KIAA1328: variants seen among roughly 807,000 people sequenced by gnomAD.
The protein encoded by KIAA1328 is KIAA1328.
In KIAA1328, 52 loss-of-function variants were observed where a neutral mutation model predicts 68.1. The ratio of observed to expected loss-of-function variants is 0.76; its 90% confidence interval spans 0.61 to 0.96. The LOEUF (loss-of-function observed/expected upper bound fraction) is 0.96. KIAA1328 is among the 40% of genes least tolerant of loss of function. The probability of loss-of-function intolerance (pLI) is 0.00; values close to 1 mark genes in which losing one functional copy is unlikely to be tolerated. For missense variants in KIAA1328, 641 were observed against 677.6 expected (o/e 0.95, Z 0.60); for synonymous variants, 232 against 239.4 (o/e 0.97, Z 0.28).
In KIAA1328 at chr18:36,878,689, T is replaced by C. The variant is rs138047222; in HGVS notation, c.333-6868T>C. ...TTTGGTTTTTTCACATAGTCCCATA[T>C]TTCTTGGAGGCTTTGTTCGTTTCTT... On this transcript the variant is annotated intron_variant, in intron 4 of 9. Coordinates refer to ENST00000280020, the MANE Select transcript of KIAA1328 (RefSeq NM_020776.3). 6.5e-3 allele frequency among the ~76,000 whole-genome samples: 996 copies of C among 152,298 alleles called. 15 individuals are homozygous for C. Among genetic ancestry groups the C allele is most frequent in the African/African-American group, 0.022 (922 of 41,562 alleles).
Position 37,097,383 on chromosome 18 carries a change from C to T in KIAA1328, c.1232+29838C>T, listed in dbSNP as rs139685515. On this transcript the variant is annotated intron_variant, in intron 7 of 9. Transcript: ENST00000280020. ...AGGTTTGTCAAAGATCAGATAGTTGCAGATATGTGGCATTATTTCTGAGGG... is the reference window on the plus strand; with the variant it reads ...AGGTTTGTCAAAGATCAGATAGTTGTAGATATGTGGCATTATTTCTGAGGG... Among the ~76,000 whole-genome samples the T allele has an allele frequency of 6.7e-3, 1,020 of 152,138 alleles. 5 individuals are homozygous for T. Among genetic ancestry groups the T allele is most frequent in the Non-Finnish European group, 0.011 (764 of 67,988 alleles).
At chr18:36,915,967 G>A (rs773437701) in intron 5 of KIAA1328, among the ~76,000 whole-genome samples, 4 of 152,112 alleles carry the variant, frequency 2.6e-5, no homozygotes, top group Non-Finnish European at 5.9e-5. Flanking sequence ...AACAGGTAGA[G>A]CCACTGTTTC....
At chr18:36,899,119 T>C (rs1025681348) in intron 5 of KIAA1328, among the ~76,000 whole-genome samples, 3 of 151,978 alleles carry the variant, frequency 2.0e-5, no homozygotes, top group Admixed American at 6.6e-5. Context: ...CTGTGGGTTT[T>C]TGGGTTTTGG....
chr18:36,867,729 GAATAAAAGTGAA>G (rs1330256718), intron 4 of KIAA1328, among the ~76,000 whole-genome samples: 1 of 152,026 alleles, frequency 6.6e-6, no homozygotes, highest in East Asian at 1.9e-4. Context: ...ATATAAATGT[GAATAAAAGTGAA>G]AATAAAAGTG....
intron 5 of KIAA1328, among the ~76,000 whole-genome samples, chr18:36,942,379 T>TATA (rs551900181): frequency 3.0e-4 from 45 of 152,342 alleles, no homozygotes; most frequent in African/African-American, 9.9e-4. Context: ...CAGAACTGAC[T>TATA]GTATATGAAA....
At chr18:36,962,741 G>C (rs917409416) in intron 6 of KIAA1328, among the ~76,000 whole-genome samples, 1 of 152,156 alleles carries the variant, frequency 6.6e-6, no homozygotes, top group Admixed American at 6.6e-5. Context: ...CGAAATGAAG[G>C]CAGAAATAAA....
At chr18:36,949,179 C>A (rs1316925758) in intron 5 of KIAA1328, among the ~76,000 whole-genome samples, 1 of 152,128 alleles carries the variant, frequency 6.6e-6, no homozygotes, top group Admixed American at 6.5e-5. Context: ...TGCTTTAAAG[C>A]AGCCTTTCCA....
chr18:37,001,516 A>G (rs1243149106), intron 6 of KIAA1328, among the ~76,000 whole-genome samples: 1 of 152,170 alleles, frequency 6.6e-6, no homozygotes, highest in Non-Finnish European at 1.5e-5. Flanking sequence ...TCCCTAACTC[A>G]TTCTACAAGG....
chr18:37,049,314 A>G (rs1016246290), intron 6 of KIAA1328, among the ~76,000 whole-genome samples: 6 of 152,184 alleles, frequency 3.9e-5, no homozygotes, highest in African/African-American at 7.2e-5. Flanking sequence ...GAAAACCACA[A>G]TGGAGGAAAA....
chr18:37,110,051 TA>T (rs562438432), intron 7 of KIAA1328, among the ~76,000 whole-genome samples: 602 of 141,982 alleles, frequency 4.2e-3, no homozygotes, highest in Middle Eastern at 7.2e-3. Flanking sequence ...GTCAGCTGGT[TA>T]AAAAAAAAAA....
intron 7 of KIAA1328, among the ~76,000 whole-genome samples, chr18:37,073,129 GA>G (rs1214127641): frequency 1.3e-5 from 2 of 152,156 alleles, no homozygotes; most frequent in Admixed American, 6.5e-5. Context: ...TGAAAATGCT[GA>G]AAGCAATTGC....
intron 4 of KIAA1328, among the ~76,000 whole-genome samples, chr18:36,862,993 A>C (rs1238977708): frequency 3.3e-5 from 5 of 151,898 alleles, no homozygotes; most frequent in African/African-American, 1.2e-4. Context: ...CTTTAGCCCC[A>C]TTTCTTATTG....
intron 6 of KIAA1328, among the ~76,000 whole-genome samples, chr18:37,041,191 A>G (rs779298602): frequency 1.2e-4 from 18 of 151,872 alleles, no homozygotes; most frequent in East Asian, 9.7e-4. Flanking sequence ...TTCTTTTTCA[A>G]TTTTGTCAAT....
At chr18:37,042,527 T>C (rs1331841533) in intron 6 of KIAA1328, among the ~76,000 whole-genome samples, 1 of 152,252 alleles carries the variant, frequency 6.6e-6, no homozygotes, top group Non-Finnish European at 1.5e-5. Flanking sequence ...AAATTCTTAG[T>C]TGACAGTTTA....
At chr18:36,982,102 A>AT (rs1568249398) in intron 6 of KIAA1328, among the ~76,000 whole-genome samples, 9 of 143,978 alleles carry the variant, frequency 6.3e-5, no homozygotes, top group South Asian at 4.2e-4. Flanking sequence ...TATTATATAT[A>AT]ATATAATTAT....
At chr18:37,065,871 A>G (rs975126792) in intron 6 of KIAA1328, among the ~76,000 whole-genome samples, 1 of 152,222 alleles carries the variant, frequency 6.6e-6, no homozygotes, top group Non-Finnish European at 1.5e-5. Context: ...CTGCTTAGTT[A>G]TACTAAGTCA....
intron 7 of KIAA1328, among the ~76,000 whole-genome samples, chr18:37,085,528 A>G (rs1348628256): frequency 6.6e-6 from 1 of 152,046 alleles, no homozygotes; most frequent in Non-Finnish European, 1.5e-5. Context: ...GATGGGGGAG[A>G]TGGGAGGGGC....
chr18:37,084,409 C>A, intron 7 of KIAA1328: 2 of 339,602 alleles, frequency 5.9e-6, no homozygotes, highest in Non-Finnish European at 1.0e-5. Context: ...AAATAAAAAT[C>A]ATTCATAATC....
intron 6 of KIAA1328, among the ~76,000 whole-genome samples, chr18:36,964,603 TC>T (rs1402515054): frequency 6.6e-6 from 1 of 152,166 alleles, no homozygotes; most frequent in African/African-American, 2.4e-5. Flanking sequence ...TCTTGTTTTC[TC>T]CCTATCCTCT....
Sources: gnomAD v4.1 joint callset for allele counts (sites outside exome capture counted in the v4.1 genomes callset) on GRCh38, gnomAD v4.1.1 for gene constraint, MANE v1.5 for transcripts, NCBI Gene and HGNC (gene_info 2026-07-23, HGNC 2026-07-21) for gene names.